POGLUT2: variants seen among roughly 807,000 people sequenced by gnomAD.
POGLUT2 encodes protein O-glucosyltransferase 2.
POGLUT2 carries 47 observed loss-of-function variants against 57.6 expected under a neutral mutation model. That is an observed-to-expected ratio of 0.82 (90% CI 0.65 to 1.04). The LOEUF is 1.04. Ranked by LOEUF, POGLUT2 falls within the 50% of genes least tolerant of loss-of-function variation. POGLUT2 has a pLI of 0.00. For missense variants in POGLUT2, 565 were observed against 614.8 expected (o/e 0.92, Z 0.86); for synonymous variants, 200 against 218.8 (o/e 0.91, Z 0.76).
At chr13:102,788,046 TA>T (rs1174851324) in intron 7 of POGLUT2, 123 bp from the exon 8 acceptor site, 1 of 551,354 alleles carries the variant, frequency 1.8e-6, no homozygotes, top group African/African-American at 1.9e-5. Flanking sequence ...TCTTTGGGGG[TA>T]GTCTCATGGT....
At chr13:102,792,160 T>C in intron 4 of POGLUT2, 1 of 974,478 alleles carries the variant, frequency 1.0e-6, no homozygotes, top group Non-Finnish European at 1.2e-6. Context: ...TAACAGACTG[T>C]AAGTGCTTTG....
In POGLUT2 at chr13:102,784,419, T is replaced by C. The variant is rs1412084761; in HGVS notation, c.*76A>G. 3 of 853,982 alleles carry C rather than the reference T, an allele frequency of 3.5e-6. No individual in the cohort carries two copies. The highest frequency in any genetic ancestry group is 1.7e-5 in the African/African-American group (1 of 58,238). 52.9% of individuals were successfully genotyped at this position (853,982 alleles called of 1,614,324 possible). On this transcript the variant is annotated 3_prime_UTR_variant, in exon 10 of 10. Coordinates refer to ENST00000376004, the MANE Select transcript of POGLUT2 (RefSeq NM_024089.3). ...GATTTTATATTGTCCATGGAATTAA[T>C]ACTTAAAAAAATTCTTCTTTTTAGT...
intron 4 of POGLUT2, chr13:102,793,079 A>G (rs1878244056): frequency 5.2e-6 from 2 of 382,462 alleles, no homozygotes; most frequent in African/African-American, 2.1e-5. Context: ...CCTAGCTGAC[A>G]CTTTGATTTT....
At chr13:102,794,931 C>CA (rs1491145879) in intron 2 of POGLUT2, among the ~76,000 whole-genome samples, 11 of 136,924 alleles carry the variant, frequency 8.0e-5, no homozygotes, top group African/African-American at 2.9e-4. Flanking sequence ...AACTGCTATT[C>CA]TTTTTTTTTT....
chr13:102,792,743 G>A (rs1311469395), intron 4 of POGLUT2, among the ~76,000 whole-genome samples: 1 of 152,166 alleles, frequency 6.6e-6, no homozygotes, highest in Non-Finnish European at 1.5e-5. Flanking sequence ...GAAGAGGCAG[G>A]AAAGGAAAGG....
chr13:102,787,134 C>T (rs1246764342), intron 8 of POGLUT2, among the ~76,000 whole-genome samples: 1 of 151,932 alleles, frequency 6.6e-6, no homozygotes, highest in Non-Finnish European at 1.5e-5. Flanking sequence ...GTAACTTCCA[C>T]CTCCCGGGTT....
chr13:102,790,960 GT>G lies in POGLUT2; in HGVS notation c.1023del (p.Lys341AsnfsTer11), dbSNP rs749199084. On this transcript the variant is annotated frameshift_variant, in exon 6 of 10. Coordinates refer to ENST00000376004, the MANE Select transcript of POGLUT2 (RefSeq NM_024089.3). LOFTEE classifies it high-confidence loss of function. Reference sequence around the variant, plus strand: ...ATGGGACCATACAGGTTTTCATCGTGTTTAAAGAAGAAAAAGTTGGTGAAAG... The same window carrying G: ...ATGGGACCATACAGGTTTTCATCGTGTTAAAGAAGAAAAAGTTGGTGAAAG... ...DAAFTNFFFF[K>X]HDENLYGPIV... The G allele has an allele frequency of 2.5e-6, 4 of 1,613,962 alleles. No homozygotes were observed. Among genetic ancestry groups the G allele is most frequent in the Non-Finnish European group, 3.4e-6 (4 of 1,179,830 alleles).
Position 102,789,120 on chromosome 13 carries a change from A to G in POGLUT2, c.1185T>C (p.Tyr395=). ...SVVLKQDSIY[Y]EHFYNELQPW... ...GCTGCAGCTCATTGTAAAAATGTTCATAGTAGATGGAATCCTGCTTCAGCA... is the reference window on the plus strand; with the variant it reads ...GCTGCAGCTCATTGTAAAAATGTTCGTAGTAGATGGAATCCTGCTTCAGCA... The change falls in exon 7 of 10, where the codon TAT becomes TAC. Residue 395 remains tyrosine (Y), a synonymous_variant. Coordinates refer to ENST00000376004, the MANE Select transcript of POGLUT2 (RefSeq NM_024089.3). 6.2e-7 allele frequency: 1 copy of G among 1,614,170 alleles called. No individual in the cohort carries two copies. The highest frequency in any genetic ancestry group is 8.5e-7 in the Non-Finnish European group (1 of 1,179,998).
chr13:102,796,293 C>CAAAA (rs151064207), intron 2 of POGLUT2, among the ~76,000 whole-genome samples: 1,789 of 99,788 alleles, frequency 0.018, 19 homozygotes, highest in Middle Eastern at 0.035. Context: ...GACTCTGCCT[C>CAAAA]AAAAAAAAAA....
rs371308822 is a variant in POGLUT2, at chr13:102,796,219, C to T, written c.388+585G>A. 6.2e-4 allele frequency among the ~76,000 whole-genome samples: 93 copies of T among 149,754 alleles called. No homozygotes were observed. The Middle Eastern group carries it at 0.01, about 17-fold the overall frequency. ...CTAAGGCAGGATAATCGCTTGAACCCGGAAGGCGGAGCTTGCAGTGAGCCA... is the reference window on the plus strand; with the variant it reads ...CTAAGGCAGGATAATCGCTTGAACCTGGAAGGCGGAGCTTGCAGTGAGCCA... On this transcript the variant is annotated intron_variant, in intron 2 of 9. Coordinates refer to ENST00000376004, the MANE Select transcript of POGLUT2 (RefSeq NM_024089.3).
intron 3 of POGLUT2, 31 bp downstream of exon 3, chr13:102,793,570 A>C (rs1371343752): frequency 6.3e-7 from 1 of 1,587,116 alleles, no homozygotes. Context: ...AAAATCACTA[A>C]AACAAACAAG....
chr13:102,794,141 G>T (rs536633859), intron 2 of POGLUT2, among the ~76,000 whole-genome samples: 1 of 152,192 alleles, frequency 6.6e-6, no homozygotes, highest in South Asian at 2.1e-4. Context: ...GGAGGCTGAC[G>T]TGGGAGGATC....
At position 102,791,404 on chromosome 13, in the gene POGLUT2, A is replaced by G. The variant is rs781123283; in HGVS notation, c.699T>C (p.Phe233=). ...RKVKMPDVEL[F]VNLGDWPLEK... is the part of the protein sequence containing the mutation. ...CCAAAGGCCAGTCTCCCAAATTAAC[A>G]AAGAGCTCCACATCTGGCATCTTCA... Residue 233 remains phenylalanine (F), a synonymous_variant, in exon 5 of 10, where the codon TTT becomes TTC. Transcript: ENST00000376004. The G allele has an allele frequency of 6.9e-6, 11 of 1,600,046 alleles. No homozygotes were observed. In the Admixed American group the frequency reaches 1.8e-4, roughly 26 times the overall value.
rs1219606226 is a variant in POGLUT2 at position 102,789,164 on chromosome 13, G to T, written c.1141C>A (p.Leu381Ile). The change falls in exon 7 of 10, where the codon CTA (leucine) becomes ATA (isoleucine). Residue 381 changes from leucine to isoleucine, a missense_variant. Transcript: ENST00000376004. Reference protein sequence around the residue: ...TVAAYRLPYLLVGDSVVLKQD... With the variant: ...TVAAYRLPYLIVGDSVVLKQD... ...TTCAGCACAACACTGTCACCAACTA[G>T]CAAATATGGCAGGCGATAAGCTGCT... 2 of 1,614,134 alleles carry T rather than the reference G, an allele frequency of 1.2e-6. No individual in the cohort carries two copies. Among genetic ancestry groups the T allele is most frequent in the Middle Eastern group, 3.3e-4 (2 of 6,062 alleles).
chr13:102,793,919 A>C (rs1878280416), intron 2 of POGLUT2, 113 bp from the exon 3 acceptor site: 2 of 891,920 alleles, frequency 2.2e-6, no homozygotes, highest in Non-Finnish European at 3.5e-6. Flanking sequence ...ACATAGGAAG[A>C]GCATTTTCAT....
Position 102,791,124 on chromosome 13 carries a change from A to G in POGLUT2, c.860T>C (p.Met287Thr), listed in dbSNP as rs753402133. The G allele has an allele frequency of 6.2e-7, 1 of 1,614,026 alleles. No individual in the cohort carries two copies. Reference sequence around the variant, plus strand: ...ACCCGTGTTAGCTTGCACGGACATCATATCCAGACTTACCCTAGAAGACAA... The same window carrying G: ...ACCCGTGTTAGCTTGCACGGACATCGTATCCAGACTTACCCTAGAAGACAA... Reference protein sequence around the residue: ...LETMGRVSLDMMSVQANTGPP... With the variant: ...LETMGRVSLDTMSVQANTGPP... Residue 287 changes from methionine (M) to threonine (T), a missense_variant, in exon 6 of 10, where the codon ATG becomes ACG. Met to Thr is a moderately conservative substitution (Grantham distance 81, BLOSUM62 -1). Transcript: ENST00000376004.
At chr13:102,784,572 C>G (rs1005600533) in intron 9 of POGLUT2, 60 bp from the exon 10 acceptor site, 1 of 999,526 alleles carries the variant, frequency 1.0e-6, no homozygotes. Context: ...GTGAAGAAGA[C>G]TTACATTCGT....
At chr13:102,796,313 T>TAAAA (rs1289200864) in intron 2 of POGLUT2, among the ~76,000 whole-genome samples, 2 of 128,730 alleles carry the variant, frequency 1.6e-5, no homozygotes, top group African/African-American at 6.0e-5. Context: ...AAAAAAAAAA[T>TAAAA]AAATAAATAA....
rs972880724 is a variant in POGLUT2, at chr13:102,791,142, G to T, written c.846-4C>A. On this transcript the variant is annotated splice_region_variant and splice_polypyrimidine_tract_variant and intron_variant, in intron 5 of 9. Transcript: ENST00000376004. ...GGACATCATATCCAGACTTACCCTA[G>T]AAGACAAAGTGCAACAGATTTTCCT... The T allele has an allele frequency of 6.2e-7, 1 of 1,612,758 alleles. No homozygotes were observed. Among genetic ancestry groups the T allele is most frequent in the African/African-American group, 1.3e-5 (1 of 74,854 alleles).
Sources: gnomAD v4.1 joint callset for allele counts (sites outside exome capture counted in the v4.1 genomes callset) on GRCh38, gnomAD v4.1.1 for gene constraint, MANE v1.5 for transcripts, NCBI Gene and HGNC (gene_info 2026-07-23, HGNC 2026-07-21) for gene names.